Variants in RUFY3 observed in about 807,000 individuals in gnomAD.
RUFY3 encodes protein RUFY3.
RUFY3 carries 34 observed loss-of-function variants against 84.0 expected under a neutral mutation model. That is an observed-to-expected ratio of 0.40 (90% CI 0.31 to 0.54). RUFY3 has a LOEUF of 0.54. Ranked by LOEUF, RUFY3 falls within the 20% of genes least tolerant of loss-of-function variation. RUFY3 has a pLI of 0.39. For missense variants in RUFY3, 507 were observed against 736.8 expected, an observed-to-expected ratio of 0.69 and a Z score of 3.61; for synonymous variants, 242 against 252.9, an observed-to-expected ratio of 0.96 and a Z score of 0.41.
intron 12 of RUFY3, chr4:70,792,026 C>G (rs1730906849): frequency 1.0e-6 from 1 of 985,190 alleles, no homozygotes; most frequent in African/African-American, 1.7e-5. Flanking sequence ...GGGAAACCCT[C>G]CTCATGTTTG....
At chr4:70,720,433 C>T (rs1742135737), upstream of RUFY3, among the ~76,000 whole-genome samples, 1 of 152,214 alleles carries the variant, frequency 6.6e-6, no homozygotes, top group South Asian at 2.1e-4. Flanking sequence ...ATTTGCCCGC[C>T]TTGGCCTCCC....
Position 70,802,940 on chromosome 4 carries a change from T to A in RUFY3, c.1623-16T>A. 1 of 1,585,104 alleles carries A rather than the reference T, an allele frequency of 6.3e-7. No individual in the cohort carries two copies. The highest frequency in any genetic ancestry group is 8.6e-7 in the Non-Finnish European group (1 of 1,164,134). On this transcript the variant is annotated splice_polypyrimidine_tract_variant and intron_variant, in intron 15 of 17. Transcript: ENST00000381006. Reference sequence around the variant, plus strand: ...GAAGTTCCTATTTGTCACAATTTTTTACTTCTCCATTGTAGGCTGCAACCC... The same window carrying A: ...GAAGTTCCTATTTGTCACAATTTTTAACTTCTCCATTGTAGGCTGCAACCC...
At chr4:70,778,285 G>T (rs929870822) in intron 7 of RUFY3, 84 bp from the exon 8 acceptor site, 1 of 578,698 alleles carries the variant, frequency 1.7e-6, no homozygotes, top group South Asian at 2.9e-5. Flanking sequence ...GACAATGAAG[G>T]ATAAGTGTGA....
chr4:70,775,820 C>T (rs1440457448), intron 7 of RUFY3, among the ~76,000 whole-genome samples: 1 of 152,004 alleles, frequency 6.6e-6, no homozygotes, highest in Admixed American at 6.6e-5. Context: ...TGCCTGTAGT[C>T]CCAGCTACTT....
intron 5 of RUFY3, among the ~76,000 whole-genome samples, chr4:70,769,988 A>G (rs958430153): frequency 2.0e-5 from 3 of 151,856 alleles, no homozygotes; most frequent in African/African-American, 7.3e-5. Flanking sequence ...CACCTAGCTA[A>G]TTTTTTTATT....
intron 10 of RUFY3, among the ~76,000 whole-genome samples, chr4:70,787,184 A>AT (rs1729973377): frequency 8.7e-5 from 11 of 125,962 alleles, no homozygotes; most frequent in South Asian, 2.6e-4. Flanking sequence ...AAAAAAAAAA[A>AT]AAAATATATA....
At chr4:70,743,561 C>G (rs1445210465) in intron 1 of RUFY3, among the ~76,000 whole-genome samples, 3 of 152,058 alleles carry the variant, frequency 2.0e-5, no homozygotes, top group Non-Finnish European at 4.4e-5. Context: ...GTCAAGCTTA[C>G]TGTGAGAGTC....
chr4:70,718,917 G>A (rs951623545), upstream of RUFY3, among the ~76,000 whole-genome samples: 2 of 152,102 alleles, frequency 1.3e-5, no homozygotes, highest in African/African-American at 4.8e-5. Context: ...GTTTCTCCAT[G>A]TTGGTCAGGC....
At chr4:70,737,533 A>G (rs1346592524) in intron 1 of RUFY3, among the ~76,000 whole-genome samples, 1 of 152,136 alleles carries the variant, frequency 6.6e-6, no homozygotes, top group Non-Finnish European at 1.5e-5. Flanking sequence ...CCAGCATGAG[A>G]GCAAAGGGTC....
At chr4:70,705,311 C>T in intron 1 of RUFY3, 1 of 1,354,512 alleles carries the variant, frequency 7.4e-7, no homozygotes, top group Non-Finnish European at 9.5e-7. Context: ...GGCGGAGGGG[C>T]ATGGGGACGC....
intron 12 of RUFY3, among the ~76,000 whole-genome samples, chr4:70,790,473 T>C (rs894240731): frequency 2.6e-5 from 4 of 152,214 alleles, no homozygotes; most frequent in Non-Finnish European, 5.9e-5. Flanking sequence ...CAATTAGAAA[T>C]GTCCTAATTC....
chr4:70,780,602 T>G (rs1441260750), intron 8 of RUFY3, among the ~76,000 whole-genome samples: 3 of 152,220 alleles, frequency 2.0e-5, no homozygotes, highest in Non-Finnish European at 2.9e-5. Context: ...CACTTGCTAG[T>G]CTTCTAATCC....
At chr4:70,730,466 C>T (rs551484144) in intron 1 of RUFY3, among the ~76,000 whole-genome samples, 2 of 151,452 alleles carry the variant, frequency 1.3e-5, no homozygotes, top group East Asian at 1.9e-4. Context: ...TGGCCAGGCG[C>T]GGTGGCTCAC....
chr4:70,704,538 G>A (rs3753042), upstream of RUFY3: 147,208 of 161,746 alleles, frequency 0.91, 67,866 homozygotes, highest in Non-Finnish European at 0.99. Context: ...ACAGGGCCCA[G>A]CGGGGGCGGG....
Position 70,791,099 on chromosome 4 carries a change from CAG to C in RUFY3, c.1337+1509_1337+1510del, listed in dbSNP as rs145422712. 39 of 819,458 alleles carry C rather than the reference CAG, an allele frequency of 4.8e-5. No individual in the cohort carries two copies. In the East Asian group the frequency reaches 7.9e-4, roughly 17 times the overall value. 50.8% of individuals were successfully genotyped at this position (819,458 alleles called of 1,614,324 possible). A position where few individuals can be genotyped will look rare whatever the true frequency, so the allele number is the denominator to read the frequency against. On this transcript the variant is annotated intron_variant, in intron 12 of 17. Coordinates refer to ENST00000381006, the MANE Select transcript of RUFY3 (RefSeq NM_001037442.4). ...GTTTTGACTTGGAATTTAAAGCAAA[CAG>C]AAAGAGAATAATGACTTATCTCTTT...
At chr4:70,763,790 A>C in intron 3 of RUFY3, 121 bp downstream of exon 3, 1 of 1,210,324 alleles carries the variant, frequency 8.3e-7, no homozygotes, top group Non-Finnish European at 1.1e-6. Flanking sequence ...AAAATGCATG[A>C]TGTCATGAAT....
chr4:70,775,945 A>AAAAAAAAAACAAC (rs1727880182), intron 7 of RUFY3, among the ~76,000 whole-genome samples: 1 of 16,694 alleles, frequency 6.0e-5, no homozygotes, highest in East Asian at 5.9e-4. Flanking sequence ...TGTCTTAAAC[A>AAAAAAAAAACAAC]AAAAAAAAAA....
At chr4:70,713,532 G>C (rs1741234129) in intron 1 of RUFY3, among the ~76,000 whole-genome samples, 1 of 151,990 alleles carries the variant, frequency 6.6e-6, no homozygotes, top group Admixed American at 6.6e-5. Context: ...AAGATACTCA[G>C]CTTTGTCAGA....
At chr4:70,722,977 C>T (rs923221191) in intron 1 of RUFY3, among the ~76,000 whole-genome samples, 4 of 152,092 alleles carry the variant, frequency 2.6e-5, no homozygotes, top group Non-Finnish European at 5.9e-5. Flanking sequence ...GCTGGATACT[C>T]GTTTAGAGTT....
Sources: gnomAD v4.1 joint callset for allele counts (sites outside exome capture counted in the v4.1 genomes callset) on GRCh38, gnomAD v4.1.1 for gene constraint, MANE v1.5 for transcripts, NCBI Gene and HGNC (gene_info 2026-07-23, HGNC 2026-07-21) for gene names.